The following CIMIP7 variants were observed in gnomAD, a reference collection of about 807,000 sequenced individuals.
CIMIP7 encodes the protein uncharacterized protein C3orf84.
chr3:49,178,148 A>G, the CIMIP7 span: 3 of 1,202,586 alleles, frequency 2.5e-6, no homozygotes, highest in Non-Finnish European at 3.4e-6. Flanking sequence ...TACCTGTCCT[A>G]TGCCTGGCTG....
At chr3:49,177,667 T>G in the CIMIP7 span, 4 of 1,603,404 alleles carry the variant, frequency 2.5e-6, no homozygotes, top group South Asian at 4.5e-5. Flanking sequence ...TCTGGACCAG[T>G]TTAGACACTC....
At chr3:49,188,495 G>GTGTT in the CIMIP7 span, among the ~76,000 whole-genome samples, 3 of 152,272 alleles carry the variant, frequency 2.0e-5, no homozygotes, top group East Asian at 5.8e-4. Flanking sequence ...GAGAGAGGAG[G>GTGTT]TGTTTCTTCT....
the CIMIP7 span, among the ~76,000 whole-genome samples, chr3:49,185,792 G>A: frequency 6.6e-6 from 1 of 150,816 alleles, no homozygotes; most frequent in Admixed American, 6.6e-5. Context: ...CTGGGTTCAA[G>A]CTATTCTCCT....
chr3:49,188,218 G>T, the CIMIP7 span, among the ~76,000 whole-genome samples: 263 of 152,350 alleles, frequency 1.7e-3, no homozygotes, highest in African/African-American at 6.1e-3. Flanking sequence ...AGGAAGTTCA[G>T]TTTCCATAAA....
chr3:49,191,788 C>A, the CIMIP7 span: 2 of 1,548,884 alleles, frequency 1.3e-6, no homozygotes, highest in Non-Finnish European at 8.7e-7. Context: ...AAGAAGGGAG[C>A]AGAAAAGGCA....
At chr3:49,182,735 C>T in the CIMIP7 span, among the ~76,000 whole-genome samples, 1 of 152,162 alleles carries the variant, frequency 6.6e-6, no homozygotes, top group Non-Finnish European at 1.5e-5. Context: ...GTTGGGGAGG[C>T]TCGGGCTGCA....
chr3:49,188,800 T>C, the CIMIP7 span, among the ~76,000 whole-genome samples: 3 of 152,200 alleles, frequency 2.0e-5, no homozygotes, highest in Non-Finnish European at 2.9e-5. Flanking sequence ...TTATTTTTTA[T>C]GTTATTTCAT....
chr3:49,189,737 C>A, the CIMIP7 span: 1 of 509,650 alleles, frequency 2.0e-6, no homozygotes. Flanking sequence ...AAACTCAAGG[C>A]TTACTTCCTG....
chr3:49,186,475 C>G, the CIMIP7 span, among the ~76,000 whole-genome samples: 1 of 150,906 alleles, frequency 6.6e-6, no homozygotes, highest in Non-Finnish European at 1.5e-5. Flanking sequence ...GCGATCGCGG[C>G]TCACTGCAAC....
the CIMIP7 span, among the ~76,000 whole-genome samples, chr3:49,184,050 T>C: frequency 6.6e-6 from 1 of 152,278 alleles, no homozygotes; most frequent in South Asian, 2.1e-4. Context: ...CAGGCTGGAG[T>C]GCGGTGACAC....
chr3:49,191,454 A>G, the CIMIP7 span, among the ~76,000 whole-genome samples: 1 of 152,184 alleles, frequency 6.6e-6, no homozygotes, highest in East Asian at 1.9e-4. Context: ...CCAAACTCCA[A>G]AAGCTTGGGA....
chr3:49,181,454 C>T, the CIMIP7 span, among the ~76,000 whole-genome samples: 2 of 151,890 alleles, frequency 1.3e-5, no homozygotes, highest in Non-Finnish European at 2.9e-5. Context: ...AGTTCAAGAC[C>T]GGCCTGGGCA....
the CIMIP7 span, among the ~76,000 whole-genome samples, chr3:49,183,178 C>G: frequency 1.3e-5 from 2 of 152,144 alleles, no homozygotes; most frequent in Non-Finnish European, 2.9e-5. Flanking sequence ...TGTCACCTCT[C>G]AAAAAGATAT....
At chr3:49,188,918 C>T in the CIMIP7 span, among the ~76,000 whole-genome samples, 1 of 152,054 alleles carries the variant, frequency 6.6e-6, no homozygotes, top group Admixed American at 6.6e-5. Context: ...CCTACCTCAG[C>T]CTCCTGAGTA....
chr3:49,177,883 A>C, the CIMIP7 span: 5 of 1,613,650 alleles, frequency 3.1e-6, no homozygotes, highest in African/African-American at 6.7e-5. Flanking sequence ...GTGCTGGGGG[A>C]GGCCACTGAG....
At chr3:49,178,657 A>G in the CIMIP7 span, 1 of 767,954 alleles carries the variant, frequency 1.3e-6, no homozygotes, top group Non-Finnish European at 2.2e-6. Flanking sequence ...CACTGCCCCT[A>G]AGCTGCTAAA....
the CIMIP7 span, chr3:49,178,397 T>A: frequency 7.8e-7 from 1 of 1,279,336 alleles, no homozygotes; most frequent in Non-Finnish European, 1.1e-6. Flanking sequence ...CTCAGTGTCA[T>A]CCCCTCCACC....
chr3:49,184,345 C>CA, the CIMIP7 span, among the ~76,000 whole-genome samples: 1 of 152,000 alleles, frequency 6.6e-6, no homozygotes, highest in Admixed American at 6.6e-5. Flanking sequence ...TTTTTTGAGA[C>CA]AGAGTCTCAC....
the CIMIP7 span, among the ~76,000 whole-genome samples, chr3:49,190,663 A>ATTT: frequency 2.3e-3 from 225 of 99,958 alleles, 2 homozygotes; most frequent in East Asian, 3.3e-3. Flanking sequence ...GCCAGGCTGA[A>ATTT]TTTTTTTTTT....
Sources: allele counts gnomAD v4.1 joint callset (sites outside exome capture counted in the v4.1 genomes callset), GRCh38; gene constraint gnomAD v4.1.1; transcripts MANE v1.5; gene names NCBI Gene and HGNC (gene_info 2026-07-23, HGNC 2026-07-21).